HDGFL3: variants seen among roughly 807,000 people sequenced by gnomAD.
HDGFL3 encodes the protein HDGF like 3.
In HDGFL3, 6 loss-of-function variants were observed where a neutral mutation model predicts 27.6. The observed-to-expected ratio is 0.22, with a 90% CI of 0.12 to 0.43. The LOEUF (loss-of-function observed/expected upper bound fraction) is 0.43. HDGFL3 is among the 20% of genes least tolerant of loss of function. HDGFL3 has a pLI of 1.00. For synonymous variants in HDGFL3, 88 were observed against 88.9 expected (o/e 0.99, Z 0.05); for missense variants, 207 against 250.1 (o/e 0.83, Z 1.16).
intron 5 of HDGFL3, among the ~76,000 whole-genome samples, chr15:83,145,962 A>T (rs1394823334): frequency 3.6e-4 from 44 of 120,560 alleles, no homozygotes; most frequent in Admixed American, 5.8e-4. Context: ...CCAGGTTGGA[A>T]TGCAGTGGCT....
exon 4 of HDGFL3, chr15:83,115,660 C>G: frequency 2.9e-6 from 2 of 692,272 alleles, no homozygotes; most frequent in South Asian, 3.0e-5. Flanking sequence ...ATGGGGAGAG[C>G]TGCGAACACA....
chr15:83,155,027 C>T (rs116146703), intron 4 of HDGFL3, among the ~76,000 whole-genome samples: 4,673 of 152,026 alleles, frequency 0.031, 162 homozygotes, highest in African/African-American at 0.08. Flanking sequence ...GCAATCACTC[C>T]TGGCTAATTT....
chr15:83,126,921 G>A (rs1046753835), downstream of HDGFL3: 18 of 1,190,094 alleles, frequency 1.5e-5, no homozygotes, highest in African/African-American at 6.1e-5. Flanking sequence ...AGCTGGGTGC[G>A]GTGGCTCACG....
intron 1 of HDGFL3, among the ~76,000 whole-genome samples, chr15:83,175,976 C>G (rs1005097800): frequency 2.0e-5 from 3 of 152,242 alleles, no homozygotes; most frequent in African/African-American, 4.8e-5. Flanking sequence ...TCTGGTTCTG[C>G]ACAGACAGTA....
rs187182539 is a variant in HDGFL3, at chr15:83,197,849, C to T, written c.84+9482G>A. On this transcript the variant is annotated intron_variant, in intron 1 of 5. Transcript: ENST00000299633. ...GGGAGTTCGAGACCAGCCTGCCCAA[C>T]ATGGCAAAACCCCATCTCTACTAAA... 8.6e-3 allele frequency among the ~76,000 whole-genome samples: 1,298 copies of T among 151,802 alleles called. 10 individuals carry two copies. Among genetic ancestry groups the T allele is most frequent in the Admixed American group, 0.019 (285 of 15,252 alleles).
chr15:83,128,895 G>A lies in HDGFL3; in HGVS notation c.*10375C>T, dbSNP rs976147178. On this transcript the variant is annotated 3_prime_UTR_variant, in exon 6 of 6. Transcript: ENST00000299633. ...TCCCAGGCTGGAGTGTGATGGCACA[G>A]TCATAGCTCACCGCAGCCTCGGACT... The A allele has an allele frequency of 6.6e-6, 1 of 152,160 alleles. No individual in the cohort carries two copies. Among genetic ancestry groups the A allele is most frequent in the African/African-American group, 2.4e-5 (1 of 41,366 alleles). 9.4% of individuals were successfully genotyped at this position (152,160 alleles called of 1,614,324 possible).
intron 1 of HDGFL3, among the ~76,000 whole-genome samples, chr15:83,176,530 G>A (rs7173876): frequency 0.1 from 15,672 of 152,122 alleles, 1,113 homozygotes; most frequent in African/African-American, 0.2. Flanking sequence ...ACTGGAGCCC[G>A]TGGGGAGGCA....
rs557693074 is a variant in HDGFL3, at chr15:83,204,215, T to C, written c.84+3116A>G. Among the ~76,000 whole-genome samples, 14 of 151,834 alleles carry C rather than the reference T, an allele frequency of 9.2e-5. No individual in the cohort carries two copies. The South Asian group carries it at 2.3e-3, about 25-fold the overall frequency. ...TATATATATGTATCACATATACTTATATATATCAGACATATATCATATAGA... is the reference window on the plus strand; with the variant it reads ...TATATATATGTATCACATATACTTACATATATCAGACATATATCATATAGA... On this transcript the variant is annotated intron_variant, in intron 1 of 5. Coordinates refer to ENST00000299633, the MANE Select transcript of HDGFL3 (RefSeq NM_016073.4).
chr15:83,191,191 A>G (rs1392316538), intron 1 of HDGFL3, among the ~76,000 whole-genome samples: 2 of 152,168 alleles, frequency 1.3e-5, no homozygotes, highest in Non-Finnish European at 2.9e-5. Flanking sequence ...CTGTGTGTTG[A>G]TAACTGATAG....
downstream of HDGFL3, among the ~76,000 whole-genome samples, chr15:83,126,212 G>A (rs898140254): frequency 2.0e-5 from 3 of 152,130 alleles, no homozygotes; most frequent in South Asian, 4.1e-4. Flanking sequence ...GAGGAATGGT[G>A]CCTGAGGGGA....
At chr15:83,160,482 G>A (rs1430774631) in intron 2 of HDGFL3, among the ~76,000 whole-genome samples, 2 of 149,818 alleles carry the variant, frequency 1.3e-5, no homozygotes, top group African/African-American at 4.9e-5. Context: ...ACCACACCTG[G>A]CCATCTCCAA....
rs202192905 is a variant in HDGFL3 at position 83,119,599 on chromosome 15, G to A, written c.394-3858C>T. On this transcript the variant is annotated intron_variant, in intron 3 of 3. Transcript: ENST00000568294. Reference sequence around the variant, plus strand: ...TTAGGGTGAACCGTATCTGAACACCGCATATGGGCACATGATCTGCTACTG... The same window carrying A: ...TTAGGGTGAACCGTATCTGAACACCACATATGGGCACATGATCTGCTACTG... 126 of 1,613,996 alleles carry A rather than the reference G, an allele frequency of 7.8e-5. No homozygotes were observed. In the Admixed American group the frequency reaches 2.1e-3, roughly 26 times the overall value.
intron 5 of HDGFL3, among the ~76,000 whole-genome samples, chr15:83,145,660 C>T (rs1487674921): frequency 6.6e-6 from 1 of 152,162 alleles, no homozygotes; most frequent in Non-Finnish European, 1.5e-5. Flanking sequence ...CAATCATCTA[C>T]AGACTCCCTG....
intron 4 of HDGFL3, among the ~76,000 whole-genome samples, chr15:83,153,597 T>C (rs1433476505): frequency 6.6e-6 from 1 of 152,178 alleles, no homozygotes; most frequent in Non-Finnish European, 1.5e-5. Flanking sequence ...GTTTTATCAG[T>C]GTGGTCCTAA....
At chr15:83,198,966 C>T (rs1007828707) in intron 1 of HDGFL3, among the ~76,000 whole-genome samples, 13 of 152,078 alleles carry the variant, frequency 8.5e-5, no homozygotes, top group Admixed American at 2.0e-4. Context: ...TGCATGTGCA[C>T]GTACTGGGAT....
At chr15:83,124,815 C>A, downstream of HDGFL3, 1 of 1,442,450 alleles carries the variant, frequency 6.9e-7, no homozygotes, top group Non-Finnish European at 9.7e-7. Flanking sequence ...CATTGTGATA[C>A]TACTCACATT....
intron 1 of HDGFL3, among the ~76,000 whole-genome samples, chr15:83,194,520 C>A (rs1401216573): frequency 6.6e-6 from 1 of 152,130 alleles, no homozygotes; most frequent in Non-Finnish European, 1.5e-5. Flanking sequence ...ATAAACTATA[C>A]ACTTAAAATG....
At chr15:83,180,136 C>T (rs2037362074) in intron 1 of HDGFL3, among the ~76,000 whole-genome samples, 2 of 151,844 alleles carry the variant, frequency 1.3e-5, no homozygotes, top group Non-Finnish European at 1.5e-5. Context: ...ATAGGGAAGA[C>T]CAAAGTGTCC....
At chr15:83,179,446 T>C (rs1344090757) in intron 1 of HDGFL3, among the ~76,000 whole-genome samples, 1 of 152,202 alleles carries the variant, frequency 6.6e-6, no homozygotes, top group Non-Finnish European at 1.5e-5. Context: ...AAATTCCACA[T>C]GGCTCAAACT....
Sources: gnomAD v4.1 joint callset for allele counts (sites outside exome capture counted in the v4.1 genomes callset) on GRCh38, gnomAD v4.1.1 for gene constraint, MANE v1.5 for transcripts, NCBI Gene and HGNC (gene_info 2026-07-23, HGNC 2026-07-21) for gene names.